ATAD3C: variants seen among roughly 807,000 people sequenced by gnomAD.
ATAD3C encodes ATPase family AAA domain containing 3C, also known as ATPase family AAA domain-containing protein 3C.
ATAD3C carries 38 observed loss-of-function variants against 46.3 expected under a neutral mutation model. The ratio of observed to expected loss-of-function variants is 0.82; its 90% CI spans 0.63 to 1.08. The LOEUF is 1.08. Among genes scored for constraint, ATAD3C ranks in the 50% least tolerant of loss-of-function variants. ATAD3C has a pLI of 0.00. For missense variants in ATAD3C, 563 were observed against 572.7 expected, an observed-to-expected ratio of 0.98 and a Z score of 0.17; for synonymous variants, 220 against 236.4, an observed-to-expected ratio of 0.93 and a Z score of 0.63.
chr1:1,457,207 C>T (rs1220864215), intron 8 of ATAD3C, 27 bp downstream of exon 8: 2 of 1,613,188 alleles, frequency 1.2e-6, no homozygotes, highest in Non-Finnish European at 1.7e-6. Flanking sequence ...CTCTGTCTGG[C>T]CACAGGAGGG....
intron 11 of ATAD3C, among the ~76,000 whole-genome samples, chr1:1,467,645 G>A (rs1315186622): frequency 7.9e-5 from 12 of 152,214 alleles, no homozygotes; most frequent in East Asian, 5.8e-4. Flanking sequence ...TCAGCTGTCC[G>A]GGAAGGGTCC....
intron 3 of ATAD3C, 130 bp downstream of exon 3, chr1:1,452,564 A>G (rs1638881739): frequency 6.9e-7 from 1 of 1,456,714 alleles, no homozygotes; most frequent in African/African-American, 1.4e-5. Flanking sequence ...GAACAAGCCC[A>G]AACTGGACCT....
chr1:1,452,216 G>C (rs1638872793), intron 2 of ATAD3C, 94 bp downstream of exon 2: 1 of 1,579,246 alleles, frequency 6.3e-7, no homozygotes, highest in South Asian at 1.1e-5. Context: ...CCCAGGTCTG[G>C]CCGCTGTAGG....
intron 7 of ATAD3C, 145 bp downstream of exon 7, chr1:1,456,494 C>G: frequency 1.5e-6 from 1 of 658,344 alleles, no homozygotes; most frequent in South Asian, 2.4e-5. Flanking sequence ...GTGGAGGGTC[C>G]CTCGGAGGGA....
In ATAD3C at chr1:1,462,637, T is replaced by C. The variant is rs748997792; in HGVS notation, c.1018T>C (p.Cys340Arg). ...GGCCCAGTTTGACTACGGGAGGAAG[T>C]GCTTAGAGATCGCTCGGCTGACAGA... ...KLAQFDYGRKCLEIARLTEGM... is the reference protein window; with the variant it reads ...KLAQFDYGRKRLEIARLTEGM... The change falls in exon 11 of 12, where the codon TGC (cysteine) becomes CGC (arginine). Residue 340 changes from cysteine (C) to arginine (R), a missense_variant. By Grantham distance (180) the Cys-to-Arg change is radical (BLOSUM62 -3). Coordinates refer to ENST00000378785, the MANE Select transcript of ATAD3C (RefSeq NM_001039211.3). The surrounding 1 kb of genome is among the most constrained non-coding windows in gnomAD (Gnocchi z 4.5). 2 of 1,605,920 alleles carry C rather than the reference T, an allele frequency of 1.2e-6. No individual in the cohort carries two copies. Among genetic ancestry groups the C allele is most frequent in the Non-Finnish European group, 1.7e-6 (2 of 1,176,712 alleles).
chr1:1,457,556 G>A (rs545894501), intron 8 of ATAD3C, among the ~76,000 whole-genome samples: 10 of 134,518 alleles, frequency 7.4e-5, no homozygotes, highest in African/African-American at 2.4e-4. Flanking sequence ...AGATCGTGCT[G>A]CTGCACTCCA....
At position 1,449,886 on chromosome 1, in the gene ATAD3C, C is replaced by T. The variant is rs1225135631; in HGVS notation, c.-798C>T. On this transcript the variant is annotated 5_prime_UTR_variant, in exon 1 of 12. Coordinates refer to ENST00000378785, the MANE Select transcript of ATAD3C (RefSeq NM_001039211.3). ...CAAACATTGACCTGTGTCGGTTCCC[C>T]ACTAGGAACAAAATGTAACTGAGGA... is the stretch of plus-strand genomic sequence containing the variant. 2 of 152,064 alleles carry T rather than the reference C, an allele frequency of 1.3e-5. No homozygotes were observed. The highest frequency in any genetic ancestry group is 2.9e-5 in the Non-Finnish European group (2 of 67,974). 9.4% of individuals were successfully genotyped at this position (152,064 alleles called of 1,614,324 possible).
intron 6 of ATAD3C, 55 bp from the exon 7 acceptor site, chr1:1,456,170 C>T (rs915473924): frequency 6.5e-7 from 1 of 1,537,994 alleles, no homozygotes; most frequent in Non-Finnish European, 8.7e-7. Flanking sequence ...AGTGTGCAGG[C>T]TTTGCAGAGG....
In ATAD3C at chr1:1,468,716, C is replaced by T. The variant is rs746736382; in HGVS notation, c.*186C>T. 2.2e-4 allele frequency: 230 copies of T among 1,035,460 alleles called. 2 individuals are homozygous for T. The highest frequency in any genetic ancestry group is 2.7e-4 in the Non-Finnish European group (190 of 712,764). 64.1% of individuals were successfully genotyped at this position (1,035,460 alleles called of 1,614,324 possible). ...AACGTCCCCCTGGGGTCAAAGGTGA[C>T]AGAAAAGGCAGAAGCTGGGGCTTTC... On this transcript the variant is annotated 3_prime_UTR_variant, in exon 12 of 12. Transcript: ENST00000378785.
chr1:1,452,003 C>G (rs1001717365), intron 1 of ATAD3C, 43 bp from the exon 2 acceptor site: 1 of 1,609,052 alleles, frequency 6.2e-7, no homozygotes, highest in Admixed American at 1.7e-5. Flanking sequence ...GAGCATTTTT[C>G]TGGTTTTAAA....
In ATAD3C at chr1:1,454,382, C is replaced by T. The variant is rs1416078266; in HGVS notation, c.260C>T (p.Ser87Leu). 1 of 1,602,126 alleles carries T rather than the reference C, an allele frequency of 6.2e-7. No homozygotes were observed. Among genetic ancestry groups the T allele is most frequent in the Admixed American group, 1.7e-5 (1 of 58,762 alleles). The change falls in exon 4 of 12, where the codon TCA becomes TTA. Residue 87 changes from serine (S) to leucine (L), a missense_variant. Ser to Leu is a moderately radical substitution (Grantham distance 145). This residue lies in a region of ATAD3C where 263 missense variants were observed against 243.1 expected (regional missense o/e 1.08). Coordinates refer to ENST00000378785, the MANE Select transcript of ATAD3C (RefSeq NM_001039211.3). ...GLTLLAVGVYSAKNATAVTGR... is the reference protein window; with the variant it reads ...GLTLLAVGVYLAKNATAVTGR... ...ACGCTGCTGGCTGTCGGGGTCTACTCAGCCAAGAATGCGACAGCCGTCACT... is the reference window on the plus strand; with the variant it reads ...ACGCTGCTGGCTGTCGGGGTCTACTTAGCCAAGAATGCGACAGCCGTCACT...
chr1:1,457,595 CAAAAAAAA>C (rs777757826), intron 8 of ATAD3C, among the ~76,000 whole-genome samples: 1 of 36,466 alleles, frequency 2.7e-5, no homozygotes, highest in Non-Finnish European at 5.1e-5. Flanking sequence ...GACTTCATCT[CAAAAAAAA>C]AAAAAAAAAA....
At chr1:1,451,040 C>A (rs905066837) in intron 1 of ATAD3C, among the ~76,000 whole-genome samples, 2 of 151,104 alleles carry the variant, frequency 1.3e-5, no homozygotes, top group Non-Finnish European at 2.9e-5. Context: ...TTTGACTCAG[C>A]AGGATTTTTT....
chr1:1,460,731 C>A lies in ATAD3C; in HGVS notation c.813-19C>A. 3.8e-6 allele frequency: 6 copies of A among 1,588,640 alleles called. No individual in the cohort carries two copies. Among genetic ancestry groups the A allele is most frequent in the Non-Finnish European group, 5.1e-6 (6 of 1,166,716 alleles). On this transcript the variant is annotated intron_variant, in intron 9 of 11. Transcript: ENST00000378785. ...CGGCCGGCAGCCCCAGCGTTTCCTT[C>A]CCCATCCCCGCCCCGCAGATTCATG... is the stretch of plus-strand genomic sequence containing the variant.
chr1:1,455,369 C>T lies in ATAD3C; in HGVS notation c.379-91C>T, dbSNP rs1020654044. 12 of 1,530,546 alleles carry T rather than the reference C, an allele frequency of 7.8e-6. 1 individual carries two copies. Among genetic ancestry groups the T allele is most frequent in the Admixed American group, 1.9e-5 (1 of 52,074 alleles). 94.8% of individuals were successfully genotyped at this position (1,530,546 alleles called of 1,614,324 possible). A position where few individuals can be genotyped will look rare whatever the true frequency, so the allele number is the denominator to read the frequency against. On this transcript the variant is annotated intron_variant, in intron 4 of 11. Transcript: ENST00000378785. ...TCCTGGCTGTGATTCGGGGCAGCTC[C>T]GTTTCTGCGTGTTACCGAGCTTGTG...
rs530918007 is a variant in ATAD3C, at chr1:1,460,384, G to A, written c.813-366G>A. Among the ~76,000 whole-genome samples, 13 of 152,092 alleles carry A rather than the reference G, an allele frequency of 8.5e-5. No homozygotes were observed. The South Asian group carries it at 1.9e-3, about 22-fold the overall frequency. On this transcript the variant is annotated intron_variant, in intron 9 of 11. Coordinates refer to ENST00000378785, the MANE Select transcript of ATAD3C (RefSeq NM_001039211.3). ...GCGTGAGCCACTGCGTCTGGCCAGCGTGGCCACAATCTTGACATGGACTCT... is the reference window on the plus strand; with the variant it reads ...GCGTGAGCCACTGCGTCTGGCCAGCATGGCCACAATCTTGACATGGACTCT...
In ATAD3C at chr1:1,449,987, C is replaced by G. The variant is rs1052218869; in HGVS notation, c.-697C>G. On this transcript the variant is annotated 5_prime_UTR_variant, in exon 1 of 12. Coordinates refer to ENST00000378785, the MANE Select transcript of ATAD3C (RefSeq NM_001039211.3). ...ATTCTTATTCTTTCATTTTCTTGCCCGCACGTTCTTGATAGCAGATCACTG... is the reference window on the plus strand; with the variant it reads ...ATTCTTATTCTTTCATTTTCTTGCCGGCACGTTCTTGATAGCAGATCACTG... 4 of 151,934 alleles carry G rather than the reference C, an allele frequency of 2.6e-5. No homozygotes were observed. The highest frequency in any genetic ancestry group is 9.7e-5 in the African/African-American group (4 of 41,382). The allele number at this position is 151,934 out of a possible 1,614,324, so 9.4% of individuals were successfully genotyped here.
chr1:1,464,060 CG>C (rs1308709501), intron 11 of ATAD3C, among the ~76,000 whole-genome samples: 1 of 151,010 alleles, frequency 6.6e-6, no homozygotes, highest in Non-Finnish European at 1.5e-5. Context: ...AAAAATTGGT[CG>C]GGCATGGTGG....
Position 1,469,757 on chromosome 1 carries a change from C to G in ATAD3C, c.*1227C>G, listed in dbSNP as rs949982135. The G allele has an allele frequency of 3.3e-5, 5 of 150,742 alleles. No homozygotes were observed. Among genetic ancestry groups the G allele is most frequent in the African/African-American group, 1.2e-4 (5 of 40,868 alleles). 9.3% of individuals were successfully genotyped at this position (150,742 alleles called of 1,614,324 possible). On this transcript the variant is annotated 3_prime_UTR_variant, in exon 12 of 12. Coordinates refer to ENST00000378785, the MANE Select transcript of ATAD3C (RefSeq NM_001039211.3). ...GTGTGATCTCGGCTCACTGCAACCT[C>G]CACCTTCAGGGTGTCAGGCCTCTGG... is the stretch of plus-strand genomic sequence containing the variant.
Sources: allele counts gnomAD v4.1 joint callset (sites outside exome capture counted in the v4.1 genomes callset), GRCh38; gene constraint gnomAD v4.1.1; regional missense constraint gnomAD v4.1.1; non-coding constraint Gnocchi (gnomAD v3.1); transcripts MANE v1.5; gene names NCBI Gene and HGNC (gene_info 2026-07-23, HGNC 2026-07-21).